MAPKAPK5: variants seen among roughly 807,000 people sequenced by gnomAD.
MAPKAPK5 encodes the protein MAPK activated protein kinase 5.
In MAPKAPK5, 30 loss-of-function variants were observed where a neutral mutation model predicts 65.1. The ratio of observed to expected loss-of-function variants is 0.46; its 90% CI spans 0.34 to 0.63. The LOEUF (loss-of-function observed/expected upper bound fraction) is 0.63. MAPKAPK5 is among the 20% of genes least tolerant of loss of function. The probability of loss-of-function intolerance (pLI) is 0.01; values close to 1 mark genes in which losing one functional copy is unlikely to be tolerated. For synonymous variants in MAPKAPK5, 179 were observed against 204.6 expected (o/e 0.87, Z 1.07); for missense variants, 433 against 581.4 (o/e 0.74, Z 2.63).
intron 5 of MAPKAPK5, among the ~76,000 whole-genome samples, chr12:111,869,889 C>G (rs938577142): frequency 1.3e-5 from 2 of 152,196 alleles, no homozygotes; most frequent in African/African-American, 2.4e-5. Flanking sequence ...TTGTCTGAGC[C>G]CTGCTGTGGG....
intron 2 of MAPKAPK5, 133 bp from the exon 3 acceptor site, chr12:111,866,023 G>C (rs916349568): frequency 2.9e-5 from 19 of 655,714 alleles, no homozygotes; most frequent in Non-Finnish European, 4.1e-5. Flanking sequence ...TGCTACCCTT[G>C]GGGGCAAGTT....
intron 2 of MAPKAPK5, among the ~76,000 whole-genome samples, chr12:111,865,902 A>G (rs1463079069): frequency 6.7e-6 from 1 of 149,612 alleles, no homozygotes; most frequent in Non-Finnish European, 1.5e-5. Flanking sequence ...ACCTATAGCC[A>G]GCTGAGGCCA....
intron 1 of MAPKAPK5, among the ~76,000 whole-genome samples, chr12:111,857,964 T>C (rs1218092332): frequency 6.6e-6 from 1 of 152,064 alleles, no homozygotes; most frequent in African/African-American, 2.4e-5. Flanking sequence ...AGTGGCATGA[T>C]CTCAGCTTAC....
In MAPKAPK5 at chr12:111,883,286, G is replaced by A. The variant is rs2070299067; in HGVS notation, c.661-295G>A. On this transcript the variant is annotated intron_variant, in intron 8 of 13. Coordinates refer to ENST00000550735, the MANE Select transcript of MAPKAPK5 (RefSeq NM_003668.4). This position sits in a 1 kb window ranked among gnomAD's most constrained non-coding sequence, Gnocchi z 4.8. ...CCCAGCTACTCAGGAGGCTGAGGCA[G>A]GAGGAATTGCTTGAACCTGGGAGGC... Among the ~76,000 whole-genome samples the A allele has an allele frequency of 1.3e-5, 2 of 152,146 alleles. No individual in the cohort carries two copies. The highest frequency in any genetic ancestry group is 4.1e-4 in the South Asian group (2 of 4,826).
intron 1 of MAPKAPK5, chr12:111,843,292 C>G: frequency 7.5e-6 from 3 of 398,532 alleles, no homozygotes; most frequent in Non-Finnish European, 1.3e-5. Flanking sequence ...TTTCTTTTTC[C>G]TCTTCTTTCT....
intron 8 of MAPKAPK5, among the ~76,000 whole-genome samples, chr12:111,881,418 T>TTTTTTTTTTTTTTTTG (rs2070219235): frequency 6.9e-6 from 1 of 145,330 alleles, no homozygotes; most frequent in Non-Finnish European, 1.5e-5. Flanking sequence ...TTTTTTTTTT[T>TTTTTTTTTTTTTTTTG]TTTTGAGACA....
intron 1 of MAPKAPK5, among the ~76,000 whole-genome samples, chr12:111,845,874 GATC>G (rs1161502003): frequency 6.6e-6 from 1 of 152,154 alleles, no homozygotes; most frequent in East Asian, 1.9e-4. Context: ...AGTGAGCTGA[GATC>G]ATGCCACTGC....
At chr12:111,870,454 A>C in intron 6 of MAPKAPK5, 94 bp downstream of exon 6, 2 of 986,794 alleles carry the variant, frequency 2.0e-6, no homozygotes, top group East Asian at 5.1e-5. Flanking sequence ...ATGGTGAAAA[A>C]GCTTTAAGCC....
rs2071022795 is a variant in MAPKAPK5, at chr12:111,900,865, T to C, written c.*7804T>C. 2 of 456,088 alleles carry C rather than the reference T, an allele frequency of 4.4e-6. No individual in the cohort carries two copies. Among genetic ancestry groups the C allele is most frequent in the South Asian group, 3.1e-5 (2 of 64,566 alleles). The allele number at this position is 456,088 out of a possible 1,614,324, so 28.3% of individuals were successfully genotyped here. A position where few individuals can be genotyped will look rare whatever the true frequency, so the allele number is the denominator to read the frequency against. On this transcript the variant is annotated 3_prime_UTR_variant, in exon 14 of 14. Coordinates refer to ENST00000550735, the MANE Select transcript of MAPKAPK5 (RefSeq NM_003668.4). ...TACGAGTGCCTTAAAGTTCATTGTA[T>C]GGACCCTAATAATCAGTGCTTACAA...
At chr12:111,869,445 G>C (rs1222748352) in intron 5 of MAPKAPK5, among the ~76,000 whole-genome samples, 3 of 152,160 alleles carry the variant, frequency 2.0e-5, no homozygotes. Context: ...TTCTTGCAGA[G>C]GTGAAAAGCT....
chr12:111,881,818 T>C (rs193245973), intron 8 of MAPKAPK5, among the ~76,000 whole-genome samples: 6 of 152,272 alleles, frequency 3.9e-5, no homozygotes, highest in African/African-American at 1.4e-4. Flanking sequence ...AGGCTAGATA[T>C]AGATGACAGA....
intron 1 of MAPKAPK5, among the ~76,000 whole-genome samples, chr12:111,855,658 C>G (rs552273453): frequency 6.6e-6 from 1 of 151,932 alleles, no homozygotes; most frequent in South Asian, 2.1e-4. Flanking sequence ...GAACCCCCAT[C>G]TCTACTAAAA....
Position 111,901,229 on chromosome 12 carries a change from T to C in MAPKAPK5, c.*8168T>C, listed in dbSNP as rs2071043497. On this transcript the variant is annotated 3_prime_UTR_variant, in exon 14 of 14. Coordinates refer to ENST00000550735, the MANE Select transcript of MAPKAPK5 (RefSeq NM_003668.4). ...TCTGCCTGAATTCCGCCTGCACAGA[T>C]AAAACCCCAGTGATTTCTGCCTGCA... is the stretch of plus-strand genomic sequence containing the variant. 2.2e-6 allele frequency: 1 copy of C among 455,906 alleles called. No individual in the cohort carries two copies. Among genetic ancestry groups the C allele is most frequent in the African/African-American group, 2.0e-5 (1 of 50,070 alleles). 28.2% of individuals were successfully genotyped at this position (455,906 alleles called of 1,614,324 possible).
intron 1 of MAPKAPK5, among the ~76,000 whole-genome samples, chr12:111,864,080 G>A (rs1328898243): frequency 6.6e-6 from 1 of 152,014 alleles, no homozygotes; most frequent in Non-Finnish European, 1.5e-5. Flanking sequence ...ACCAACCTGG[G>A]CAACATAGCA....
At chr12:111,852,291 C>G (rs2069109566) in intron 1 of MAPKAPK5, among the ~76,000 whole-genome samples, 1 of 152,174 alleles carries the variant, frequency 6.6e-6, no homozygotes, top group Non-Finnish European at 1.5e-5. Context: ...GCCTTCCTTT[C>G]CATGCCCTTC....
At chr12:111,873,426 C>G (rs1478475633) in intron 7 of MAPKAPK5, among the ~76,000 whole-genome samples, 3 of 152,108 alleles carry the variant, frequency 2.0e-5, no homozygotes, top group Non-Finnish European at 4.4e-5. Context: ...TCACTGCAAC[C>G]TCTGCCTCCC....
At chr12:111,891,637 CAAA>C (rs78504500) in intron 13 of MAPKAPK5, among the ~76,000 whole-genome samples, 1 of 86,214 alleles carries the variant, frequency 1.2e-5, no homozygotes, top group Non-Finnish European at 2.5e-5. Flanking sequence ...ACTAAAAATA[CAAA>C]AAAAAAAAAA....
intron 1 of MAPKAPK5, among the ~76,000 whole-genome samples, chr12:111,849,919 C>A (rs1249611076): frequency 6.6e-6 from 1 of 151,522 alleles, no homozygotes. Flanking sequence ...GACACGGGTC[C>A]CACTGTGTAG....
chr12:111,850,717 C>T (rs2069052460), intron 1 of MAPKAPK5, among the ~76,000 whole-genome samples: 1 of 152,054 alleles, frequency 6.6e-6, no homozygotes, highest in Non-Finnish European at 1.5e-5. Flanking sequence ...GCAGTGAGTG[C>T]CAGGATTTAA....
Sources: allele counts gnomAD v4.1 joint callset (sites outside exome capture counted in the v4.1 genomes callset), GRCh38; gene constraint gnomAD v4.1.1; non-coding constraint Gnocchi (gnomAD v3.1); transcripts MANE v1.5; gene names NCBI Gene and HGNC (gene_info 2026-07-23, HGNC 2026-07-21).